Variants in COL13A1 observed in about 807,000 individuals in gnomAD.
The protein encoded by COL13A1 is collagen type XIII alpha 1 chain, also known as collagen alpha-1(XIII) chain.
In COL13A1, 89 loss-of-function variants were observed where a neutral mutation model predicts 130.9. The observed-to-expected ratio is 0.68, with a 90% CI of 0.57 to 0.81. The LOEUF is 0.81. Among genes scored for constraint, COL13A1 ranks in the 30% least tolerant of loss-of-function variants. COL13A1 has a pLI of 0.00. For missense variants in COL13A1, 879 were observed against 934.6 expected, an observed-to-expected ratio of 0.94 and a Z score of 0.78; for synonymous variants, 402 against 341.6, an observed-to-expected ratio of 1.18 and a Z score of -1.95.
intron 2 of COL13A1, among the ~76,000 whole-genome samples, chr10:69,831,872 T>A (rs79610696): frequency 6.6e-6 from 1 of 152,178 alleles, no homozygotes; most frequent in Non-Finnish European, 1.5e-5. Flanking sequence ...GTACTGTGGA[T>A]GGGTTACTCT....
intron 22 of COL13A1, among the ~76,000 whole-genome samples, chr10:69,922,251 G>A (rs1240402800): frequency 6.6e-6 from 1 of 151,446 alleles, no homozygotes; most frequent in Non-Finnish European, 1.5e-5. Flanking sequence ...AAAAAAAAAA[G>A]ATGAGGCCAA....
intron 2 of COL13A1, among the ~76,000 whole-genome samples, chr10:69,842,177 G>A (rs1193870001): frequency 6.6e-6 from 1 of 152,108 alleles, no homozygotes; most frequent in African/African-American, 2.4e-5. Flanking sequence ...TACTGCTCTC[G>A]TGGTAATGAA....
At chr10:69,841,420 C>T (rs914745960) in intron 2 of COL13A1, among the ~76,000 whole-genome samples, 1 of 152,198 alleles carries the variant, frequency 6.6e-6, no homozygotes, top group African/African-American at 2.4e-5. Context: ...TGTGTCTTCC[C>T]AGCACCTGGC....
rs750585655 is a variant in COL13A1, at chr10:69,952,979, G to A, written c.2145+11G>A. On this transcript the variant is annotated intron_variant, in intron 39 of 40. Coordinates refer to ENST00000645393, the MANE Select transcript of COL13A1 (RefSeq NM_001368882.1). ...GCCCCCTGCCCATTGGTATGTTTTT[G>A]TTTATCACTTGCATTGTTCTGGTTT... is the stretch of plus-strand genomic sequence containing the variant. The A allele has an allele frequency of 8.0e-6, 12 of 1,509,190 alleles. No homozygotes were observed. Among genetic ancestry groups the A allele is most frequent in the Admixed American group, 2.6e-5 (1 of 38,824 alleles). The allele number at this position is 1,509,190 out of a possible 1,614,324, so 93.5% of individuals were successfully genotyped here.
At chr10:69,952,395 T>C (rs2069728543) in intron 38 of COL13A1, among the ~76,000 whole-genome samples, 1 of 152,192 alleles carries the variant, frequency 6.6e-6, no homozygotes, top group Non-Finnish European at 1.5e-5. Context: ...ATGCATACAC[T>C]CATACATGCT....
In COL13A1 at chr10:69,905,036, G is replaced by A; in HGVS notation, c.885+77G>A. ...GAGGGAGGGGGAGGCAGCACAGAAG[G>A]TGACTGAGGCAGGAGCAGAGAGGGA... On this transcript the variant is annotated intron_variant, in intron 16 of 40. Transcript: ENST00000645393. The A allele has an allele frequency of 2.0e-6, 3 of 1,498,018 alleles. No individual in the cohort carries two copies. The South Asian group carries it at 3.7e-5, about 18-fold the overall frequency. The allele number at this position is 1,498,018 out of a possible 1,614,324, so 92.8% of individuals were successfully genotyped here.
At chr10:69,872,110 T>A (rs1028628264) in intron 3 of COL13A1, 74 bp from the exon 4 acceptor site, 1 of 1,570,778 alleles carries the variant, frequency 6.4e-7, no homozygotes, top group African/African-American at 1.3e-5. Context: ...GTCACACAGC[T>A]GGTTGAGACA....
rs148747208 is a variant in COL13A1, at chr10:69,841,356, A to G, written c.364+18918A>G. Among the ~76,000 whole-genome samples, 810 of 151,948 alleles carry G rather than the reference A, an allele frequency of 5.3e-3. 4 individuals carry two copies. The highest frequency in any genetic ancestry group is 0.019 in the African/African-American group (777 of 41,434). On this transcript the variant is annotated intron_variant, in intron 2 of 40. Coordinates refer to ENST00000645393, the MANE Select transcript of COL13A1 (RefSeq NM_001368882.1). ...CAGCCTCCAAGCATAAACCTATCCC[A>G]CTGCATCATCAGGGACTAGTTTCAC...
chr10:69,864,994 A>T (rs1166313574), intron 2 of COL13A1, among the ~76,000 whole-genome samples: 1 of 152,240 alleles, frequency 6.6e-6, no homozygotes, highest in African/African-American at 2.4e-5. Flanking sequence ...CAGCAGGTGC[A>T]TGGGCGGAGT....
At chr10:69,837,019 C>T (rs939452577) in intron 2 of COL13A1, among the ~76,000 whole-genome samples, 4 of 152,062 alleles carry the variant, frequency 2.6e-5, no homozygotes, top group Non-Finnish European at 4.4e-5. Flanking sequence ...GCAGCTGTGC[C>T]GTGTGTTCCC....
At chr10:69,925,749 G>T in intron 25 of COL13A1, 55 bp from the exon 26 acceptor site, 5 of 1,375,538 alleles carry the variant, frequency 3.6e-6, no homozygotes, top group Non-Finnish European at 4.1e-6. Flanking sequence ...GGCCACAGTT[G>T]CCCTCCCGGC....
intron 13 of COL13A1, among the ~76,000 whole-genome samples, chr10:69,896,430 C>T (rs2061651512): frequency 6.6e-6 from 1 of 152,144 alleles, no homozygotes; most frequent in African/African-American, 2.4e-5. Context: ...CCTCGTTGCT[C>T]CCAGACCTGG....
At chr10:69,831,962 G>A (rs1350830601) in intron 2 of COL13A1, among the ~76,000 whole-genome samples, 2 of 152,182 alleles carry the variant, frequency 1.3e-5, no homozygotes, top group Non-Finnish European at 2.9e-5. Context: ...ACACACACTT[G>A]GCGGGAAATG....
intron 28 of COL13A1, among the ~76,000 whole-genome samples, chr10:69,929,534 A>G (rs1425905035): frequency 1.3e-5 from 2 of 152,170 alleles, no homozygotes; most frequent in Non-Finnish European, 2.9e-5. Context: ...TCTATCAGGC[A>G]GAATTCCCTG....
intron 38 of COL13A1, among the ~76,000 whole-genome samples, chr10:69,952,198 C>A (rs938792830): frequency 2.0e-5 from 3 of 152,244 alleles, no homozygotes; most frequent in Non-Finnish European, 4.4e-5. Flanking sequence ...AGGGGCCATC[C>A]GTGAGCTCTG....
chr10:69,917,483 C>A, intron 18 of COL13A1, 150 bp downstream of exon 18: 1 of 720,732 alleles, frequency 1.4e-6, no homozygotes, highest in Non-Finnish European at 2.3e-6. Context: ...GCATTGTGGT[C>A]TCTCATCAGT....
intron 38 of COL13A1, 58 bp from the exon 39 acceptor site, chr10:69,952,824 C>T (rs1045456740): frequency 2.5e-6 from 3 of 1,178,828 alleles, no homozygotes; most frequent in Non-Finnish European, 2.4e-6. Flanking sequence ...TCAACCTTAA[C>T]ACATGAATGA....
At chr10:69,848,310 A>G (rs1476593962) in intron 2 of COL13A1, among the ~76,000 whole-genome samples, 12 of 152,208 alleles carry the variant, frequency 7.9e-5, no homozygotes, top group Non-Finnish European at 1.5e-5. Flanking sequence ...ATGGCTTAGT[A>G]ATAAGAAGCA....
At chr10:69,923,935 G>T in intron 24 of COL13A1, 80 bp downstream of exon 24, 1 of 1,543,640 alleles carries the variant, frequency 6.5e-7, no homozygotes, top group Non-Finnish European at 8.8e-7. Context: ...CGACCCTAGG[G>T]GTATCCCTCA....
Sources: allele counts gnomAD v4.1 joint callset (sites outside exome capture counted in the v4.1 genomes callset), GRCh38; gene constraint gnomAD v4.1.1; transcripts MANE v1.5; gene names NCBI Gene and HGNC (gene_info 2026-07-23, HGNC 2026-07-21).